TANC2: variants seen among roughly 807,000 people sequenced by gnomAD.
TANC2 encodes tetratricopeptide repeat, ankyrin repeat and coiled-coil containing 2, also known as protein TANC2.
In TANC2, 26 loss-of-function variants were observed where a neutral mutation model predicts 210.5. That is an observed-to-expected ratio of 0.12 (90% CI 0.09 to 0.17). TANC2 has a LOEUF of 0.17. Ranked by LOEUF, TANC2 falls within the 10% of genes least tolerant of loss-of-function variation. The pLI is 1.00. For missense variants in TANC2, 2,129 were observed against 2,608.9 expected (o/e 0.82, Z 4.01); for synonymous variants, 931 against 967.1 (o/e 0.96, Z 0.69).
exon 28 of TANC2, chr17:63,425,679 G>A (rs916199939): frequency 1.3e-5 from 2 of 152,258 alleles, no homozygotes; most frequent in Admixed American, 6.5e-5. Context: ...CGGGCTCAGA[G>A]GTTCAGGAGA....
intron 14 of TANC2, among the ~76,000 whole-genome samples, chr17:63,370,234 A>G (rs2047225972): frequency 7.0e-6 from 1 of 141,896 alleles, no homozygotes; most frequent in African/African-American, 2.7e-5. Context: ...GCTGGAATGC[A>G]GTGGTGCAAT....
At chr17:63,411,488 T>C in intron 21 of TANC2, 23 bp from the exon 22 acceptor site, 1 of 1,596,420 alleles carries the variant, frequency 6.3e-7, no homozygotes, top group Non-Finnish European at 8.5e-7. Flanking sequence ...TCCTCAGCCC[T>C]GTGCTATCAC....
At chr17:62,978,255 G>A (rs538776308) in intron 1 of TANC2, among the ~76,000 whole-genome samples, 10 of 152,154 alleles carry the variant, frequency 6.6e-5, no homozygotes, top group Non-Finnish European at 1.5e-4. Flanking sequence ...TTGCAGGAAG[G>A]CAAGGGCATT....
intron 2 of TANC2, among the ~76,000 whole-genome samples, chr17:63,023,937 C>T (rs575355784): frequency 3.9e-5 from 6 of 152,306 alleles, no homozygotes; most frequent in African/African-American, 9.6e-5. Flanking sequence ...TAGTGCTTCT[C>T]ATCAGATAGA....
At chr17:63,190,584 TAAGGG>T (rs2041150959) in intron 5 of TANC2, among the ~76,000 whole-genome samples, 1 of 152,084 alleles carries the variant, frequency 6.6e-6, no homozygotes, top group South Asian at 2.1e-4. Context: ...TCTGCAAAAA[TAAGGG>T]AAGAAGGAAA....
intron 5 of TANC2, among the ~76,000 whole-genome samples, chr17:63,178,257 C>T (rs1043739691): frequency 1.3e-5 from 2 of 151,866 alleles, no homozygotes; most frequent in African/African-American, 2.4e-5. Context: ...GGCGTGAACC[C>T]GGGAGGCGGA....
At chr17:63,294,776 G>A (rs1228715453) in intron 9 of TANC2, among the ~76,000 whole-genome samples, 1 of 152,136 alleles carries the variant, frequency 6.6e-6, no homozygotes, top group Non-Finnish European at 1.5e-5. Context: ...TTTTAGAAGG[G>A]TGGAGTGGTC....
At chr17:62,994,253 A>C (rs1342813711) in intron 1 of TANC2, among the ~76,000 whole-genome samples, 1 of 150,302 alleles carries the variant, frequency 6.7e-6, no homozygotes, top group East Asian at 2.0e-4. Context: ...AGCTCACTGC[A>C]CCCTCTGCCT....
At chr17:63,169,069 C>T (rs923850629) in intron 5 of TANC2, among the ~76,000 whole-genome samples, 4 of 152,174 alleles carry the variant, frequency 2.6e-5, no homozygotes, top group African/African-American at 4.8e-5. Flanking sequence ...CAACCAGTTA[C>T]CTCTAGTGGT....
At chr17:63,079,322 A>G (rs1018033611) in intron 3 of TANC2, among the ~76,000 whole-genome samples, 1 of 152,168 alleles carries the variant, frequency 6.6e-6, no homozygotes, top group Non-Finnish European at 1.5e-5. Flanking sequence ...GGTTTGGGGT[A>G]CATAAAAAAC....
chr17:63,389,738 T>C (rs1162852189), intron 17 of TANC2, 194 bp downstream of exon 17: 4 of 619,252 alleles, frequency 6.5e-6, no homozygotes, highest in Non-Finnish European at 1.1e-5. Context: ...CACACAGTTC[T>C]AAACCCTTTG....
rs539483112 is a variant in TANC2, at chr17:63,078,379, G to A, written c.139+4365G>A. On this transcript the variant is annotated intron_variant, in intron 3 of 27. Transcript: ENST00000689528. ...TCTCAGAGAATCAGTTTTGTATTTG[G>A]TTTCTGTATTGCTTTCCTGTCTTCT... Among the ~76,000 whole-genome samples, 66 of 152,024 alleles carry A rather than the reference G, an allele frequency of 4.3e-4. 2 individuals carry two copies. The Middle Eastern group carries it at 0.017, about 39-fold the overall frequency.
intron 2 of TANC2, among the ~76,000 whole-genome samples, chr17:63,041,163 G>A (rs1289545712): frequency 6.6e-6 from 1 of 151,814 alleles, no homozygotes; most frequent in Non-Finnish European, 1.5e-5. Flanking sequence ...TATAGCCAAA[G>A]CAAAGTGTTC....
At chr17:62,974,053 T>A (rs1353838484) in intron 1 of TANC2, among the ~76,000 whole-genome samples, 4 of 152,214 alleles carry the variant, frequency 2.6e-5, no homozygotes, top group African/African-American at 9.7e-5. Flanking sequence ...AGTTTGTCAG[T>A]CCTTGGTCTG....
intron 2 of TANC2, among the ~76,000 whole-genome samples, chr17:63,071,837 C>T (rs1026657688): frequency 1.5e-4 from 23 of 152,038 alleles, no homozygotes; most frequent in Non-Finnish European, 2.5e-4. Context: ...AAGAATAAAA[C>T]GGGAACATGA....
intron 9 of TANC2, among the ~76,000 whole-genome samples, chr17:63,272,131 TTATGTGGTG>T (rs2146296554): frequency 6.6e-6 from 1 of 152,288 alleles, no homozygotes; most frequent in African/African-American, 2.4e-5. Context: ...GTGAATTTTC[TTATGTGGTG>T]TAAGGAAGGG....
chr17:63,103,724 A>G (rs958089765), intron 4 of TANC2, among the ~76,000 whole-genome samples: 1 of 152,310 alleles, frequency 6.6e-6, no homozygotes, highest in African/African-American at 2.4e-5. Context: ...ATTGCTTTTC[A>G]TGTTAGATAC....
chr17:63,144,877 T>C (rs2039412365), intron 4 of TANC2, among the ~76,000 whole-genome samples: 3 of 152,114 alleles, frequency 2.0e-5, no homozygotes, highest in Non-Finnish European at 4.4e-5. Context: ...TTGTATCTTT[T>C]TTATTTTTGT....
chr17:63,104,189 C>G (rs999566158), intron 4 of TANC2, among the ~76,000 whole-genome samples: 4 of 152,090 alleles, frequency 2.6e-5, no homozygotes, highest in Non-Finnish European at 5.9e-5. Context: ...TTAGGTATTG[C>G]TGTGCTTTGG....
Sources: gnomAD v4.1 joint callset for allele counts (sites outside exome capture counted in the v4.1 genomes callset) on GRCh38, gnomAD v4.1.1 for gene constraint, MANE v1.5 for transcripts, NCBI Gene and HGNC (gene_info 2026-07-23, HGNC 2026-07-21) for gene names.